The following MGAT1 variants were observed in gnomAD, a reference collection of about 807,000 sequenced individuals.
MGAT1 encodes the protein alpha-1,3-mannosyl-glycoprotein 2-beta-N-acetylglucosaminyltransferase, also known as N-glycosyl-oligosaccharide-glycoprotein N-acetylglucosaminyltransferase I.
Under a neutral mutation model 31.7 loss-of-function variants are expected in MGAT1, and 14 were observed. That is an observed-to-expected ratio of 0.44 (90% CI 0.29 to 0.69). The LOEUF is 0.69. Among genes scored for constraint, MGAT1 ranks in the 30% least tolerant of loss-of-function variants. The pLI, the probability that MGAT1 is intolerant of heterozygous loss-of-function variation, is 0.12. For missense variants in MGAT1, 557 were observed against 626.0 expected (o/e 0.89, Z 1.18); for synonymous variants, 338 against 276.0 (o/e 1.22, Z -2.23).
At chr5:180,802,945 C>T (rs1489801466), upstream of MGAT1, 1 of 151,732 alleles carries the variant, frequency 6.6e-6, no homozygotes, top group Non-Finnish European at 1.5e-5. Context: ...GCCCCCTCCT[C>T]CTGGCCCGCC....
chr5:180,813,813 C>T (rs576124598), intron 1 of MGAT1, among the ~76,000 whole-genome samples: 1 of 152,292 alleles, frequency 6.6e-6, no homozygotes, highest in East Asian at 1.9e-4. Context: ...CCTTTCAAGT[C>T]TAACTCAAGG....
intron 1 of MGAT1, chr5:180,811,215 C>T (rs1409872043): frequency 6.6e-6 from 1 of 152,250 alleles, no homozygotes; most frequent in Non-Finnish European, 1.5e-5. Flanking sequence ...GCCCGGTCTC[C>T]TGGCCTGTGT....
At chr5:180,800,713 G>C (rs1770569099) in intron 1 of MGAT1, among the ~76,000 whole-genome samples, 1 of 152,230 alleles carries the variant, frequency 6.6e-6, no homozygotes, top group African/African-American at 2.4e-5. Flanking sequence ...CATGCAAGGG[G>C]AGAGAATCAT....
At chr5:180,804,097 C>A (rs992518874), upstream of MGAT1, among the ~76,000 whole-genome samples, 7 of 152,242 alleles carry the variant, frequency 4.6e-5, no homozygotes, top group African/African-American at 1.7e-4. Flanking sequence ...GGACCTAAAT[C>A]AAAACTGCTA....
At position 180,792,927 on chromosome 5, in the gene MGAT1, G is replaced by A; in HGVS notation, c.45C>T (p.Ile15=). The change falls in exon 2 of 2, where the codon ATC becomes ATT. Residue 15 remains isoleucine, a synonymous_variant. Transcript: ENST00000307826. Reference sequence around the variant, plus strand: ...GCAGGGCATTCCAGGCCACAAAGAGGATAGCGCCCCACAGCACAAGCCCTG... The same window carrying A: ...GCAGGGCATTCCAGGCCACAAAGAGAATAGCGCCCCACAGCACAAGCCCTG... ...QSAGLVLWGA[I]LFVAWNALLL... 6.2e-7 allele frequency: 1 copy of A among 1,613,272 alleles called. No individual in the cohort carries two copies. Among genetic ancestry groups the A allele is most frequent in the Non-Finnish European group, 8.5e-7 (1 of 1,179,844 alleles).
In MGAT1 at chr5:180,788,453, C is replaced by T. The variant is rs1330359859; in HGVS notation, c.*3181G>A. ...AGCTGGGGAATGGCCTGGAAGAGGC[C>T]GTAAAGGCTGGAATGGAACAGTCCA... On this transcript the variant is annotated 3_prime_UTR_variant, in exon 2 of 2. Coordinates refer to ENST00000307826, the MANE Select transcript of MGAT1 (RefSeq NM_002406.4). The T allele has an allele frequency of 6.6e-6, 1 of 152,418 alleles. No homozygotes were observed. The highest frequency in any genetic ancestry group is 2.4e-5 in the African/African-American group (1 of 41,452). 9.4% of individuals were successfully genotyped at this position (152,418 alleles called of 1,614,324 possible).
chr5:180,793,394 G>A (rs544624046), intron 1 of MGAT1, among the ~76,000 whole-genome samples: 1 of 152,298 alleles, frequency 6.6e-6, no homozygotes, highest in South Asian at 2.1e-4. Flanking sequence ...GGGGCAAGGA[G>A]TGACAGCATC....
At chr5:180,795,550 C>T (rs1769178036) in intron 1 of MGAT1, 1 of 152,142 alleles carries the variant, frequency 6.6e-6, no homozygotes, top group Non-Finnish European at 1.5e-5. Flanking sequence ...TGCAACTTCT[C>T]AAATGGTTCA....
intron 1 of MGAT1, among the ~76,000 whole-genome samples, chr5:180,793,559 G>C (rs1031022342): frequency 6.6e-6 from 1 of 152,162 alleles, no homozygotes; most frequent in Non-Finnish European, 1.5e-5. Context: ...ATCATCTCCA[G>C]GGTTATTTAA....
chr5:180,805,642 C>T (rs1191749259), upstream of MGAT1, among the ~76,000 whole-genome samples: 2 of 151,578 alleles, frequency 1.3e-5, no homozygotes, highest in Non-Finnish European at 2.9e-5. Context: ...CCCAGCTACT[C>T]GGGAGGCTGA....
intron 1 of MGAT1, among the ~76,000 whole-genome samples, chr5:180,793,736 C>A (rs1768739474): frequency 1.3e-5 from 2 of 152,076 alleles, no homozygotes; most frequent in Non-Finnish European, 2.9e-5. Flanking sequence ...ATATAAAAAT[C>A]AACATATACT....
chr5:180,794,411 T>TTTTTTTTATATATATATATA (rs528893463), intron 1 of MGAT1, among the ~76,000 whole-genome samples: 7 of 141,982 alleles, frequency 4.9e-5, no homozygotes, highest in African/African-American at 2.0e-4. Flanking sequence ...TTTTTTTTTA[T>TTTTTTTTATATATATATATA]TATATATATA....
intron 1 of MGAT1, among the ~76,000 whole-genome samples, chr5:180,801,421 T>C (rs999105294): frequency 6.6e-6 from 1 of 152,200 alleles, no homozygotes; most frequent in African/African-American, 2.4e-5. Flanking sequence ...CTAACTGAAC[T>C]GCTTTCATGT....
chr5:180,797,809 G>C (rs948230430), intron 1 of MGAT1, among the ~76,000 whole-genome samples: 1 of 152,356 alleles, frequency 6.6e-6, no homozygotes. Context: ...GTTGCCATAA[G>C]AGGACATGAC....
At position 180,792,947 on chromosome 5, in the gene MGAT1, G is replaced by A; in HGVS notation, c.25C>T (p.Leu9Phe). The change falls in exon 2 of 2, where the codon CTT becomes TTT. Residue 9 changes from leucine (L) to phenylalanine (F), a missense_variant. Transcript: ENST00000307826. Reference protein sequence around the residue: MLKKQSAGLVLWGAILFVA... With the variant: MLKKQSAGFVLWGAILFVA... ...AAGAGGATAGCGCCCCACAGCACAA[G>A]CCCTGCAGACTGCTTCTTCAGCATC... 1 of 1,613,522 alleles carries A rather than the reference G, an allele frequency of 6.2e-7. No homozygotes were observed. The highest frequency in any genetic ancestry group is 2.2e-5 in the East Asian group (1 of 44,856).
At chr5:180,799,847 C>T (rs1770340867) in intron 1 of MGAT1, among the ~76,000 whole-genome samples, 1 of 152,156 alleles carries the variant, frequency 6.6e-6, no homozygotes, top group Non-Finnish European at 1.5e-5. Context: ...CAGTAGTTTC[C>T]ACCTGGTCCT....
intron 1 of MGAT1, among the ~76,000 whole-genome samples, chr5:180,812,255 C>A (rs1772623807): frequency 6.6e-6 from 1 of 152,222 alleles, no homozygotes; most frequent in Admixed American, 6.5e-5. Context: ...CTACTTTCAC[C>A]GCAGAGTATT....
At chr5:180,811,665 C>T (rs1772580426) in intron 1 of MGAT1, among the ~76,000 whole-genome samples, 1 of 152,164 alleles carries the variant, frequency 6.6e-6, no homozygotes, top group Admixed American at 6.5e-5. Flanking sequence ...CCTGCCCTCC[C>T]TACCCTCCCA....
At position 180,792,083 on chromosome 5, in the gene MGAT1, G is replaced by C. The variant is rs768616615; in HGVS notation, c.889C>G (p.Gln297Glu). The change falls in exon 2 of 2, where the codon CAG (glutamine) becomes GAG (glutamate). Residue 297 changes from glutamine (Q) to glutamate (E), a missense_variant. Transcript: ENST00000307826. ...FWDDWMRRPE[Q>E]RQGRACIRPE... Reference sequence around the variant, plus strand: ...CGTATGCAGGCCCGCCCCTGCCGCTGCTCCGGCCGCCGCATCCAGTCGTCC... The same window carrying C: ...CGTATGCAGGCCCGCCCCTGCCGCTCCTCCGGCCGCCGCATCCAGTCGTCC... The C allele has an allele frequency of 6.2e-7, 1 of 1,612,754 alleles. No individual in the cohort carries two copies. The highest frequency in any genetic ancestry group is 1.1e-5 in the South Asian group (1 of 91,080).
Sources: gnomAD v4.1 joint callset for allele counts (sites outside exome capture counted in the v4.1 genomes callset) on GRCh38, gnomAD v4.1.1 for gene constraint, MANE v1.5 for transcripts, NCBI Gene and HGNC (gene_info 2026-07-23, HGNC 2026-07-21) for gene names.